Variants in DOCK4 observed in about 807,000 individuals in gnomAD.
The protein encoded by DOCK4 is dedicator of cytokinesis 4.
Under a neutral mutation model 268.1 loss-of-function variants are expected in DOCK4, and 97 were observed. The observed-to-expected ratio is 0.36, with a 90% CI of 0.31 to 0.43. The LOEUF (loss-of-function observed/expected upper bound fraction) is 0.43. Among genes scored for constraint, DOCK4 ranks in the 20% least tolerant of loss-of-function variants. The pLI, the probability that DOCK4 is intolerant of heterozygous loss-of-function variation, is 1.00. For synonymous variants in DOCK4, 954 were observed against 887.2 expected, an observed-to-expected ratio of 1.08 and a Z score of -1.34; for missense variants, 2,145 against 2,455.7, an observed-to-expected ratio of 0.87 and a Z score of 2.67.
At chr7:112,063,051 G>T (rs753572302) in intron 1 of DOCK4, among the ~76,000 whole-genome samples, 1 of 152,194 alleles carries the variant, frequency 6.6e-6, no homozygotes, top group Non-Finnish European at 1.5e-5. Context: ...CCCAAAAAGA[G>T]AGAGAAGTTA....
At chr7:112,142,332 G>T (rs958533475) in intron 1 of DOCK4, among the ~76,000 whole-genome samples, 8 of 152,060 alleles carry the variant, frequency 5.3e-5, no homozygotes, top group African/African-American at 1.7e-4. Context: ...TTTCACTATT[G>T]TATGTTAGGC....
At chr7:112,020,661 A>C (rs1265001780) in intron 1 of DOCK4, among the ~76,000 whole-genome samples, 1 of 148,596 alleles carries the variant, frequency 6.7e-6, no homozygotes, top group Admixed American at 6.8e-5. Context: ...TTTCTATGCC[A>C]AAGAGTCACT....
chr7:112,010,468 G>A (rs888135230), intron 1 of DOCK4, among the ~76,000 whole-genome samples: 8 of 152,210 alleles, frequency 5.3e-5, no homozygotes, highest in African/African-American at 1.7e-4. Flanking sequence ...ACTCCCAGGT[G>A]GCTATGTGTG....
chr7:112,161,247 T>C (rs1817096583), intron 1 of DOCK4, among the ~76,000 whole-genome samples: 1 of 152,166 alleles, frequency 6.6e-6, no homozygotes, highest in Non-Finnish European at 1.5e-5. Context: ...AAAAAGTCTG[T>C]GGACTTGTTT....
At chr7:111,758,820 G>C in intron 40 of DOCK4, 30 bp from the exon 41 acceptor site, 1 of 1,610,190 alleles carries the variant, frequency 6.2e-7, no homozygotes, top group Non-Finnish European at 8.5e-7. Flanking sequence ...GAGAGAACCT[G>C]ACTTGGCAAA....
At chr7:112,061,778 C>CACAT (rs1451249642) in intron 1 of DOCK4, among the ~76,000 whole-genome samples, 3 of 151,252 alleles carry the variant, frequency 2.0e-5, no homozygotes, top group African/African-American at 7.3e-5. Flanking sequence ...CACACACACA[C>CACAT]ACACACGATG....
chr7:111,892,186 T>A (rs756974279), intron 16 of DOCK4, among the ~76,000 whole-genome samples: 20 of 152,200 alleles, frequency 1.3e-4, no homozygotes, highest in Non-Finnish European at 2.2e-4. Context: ...TTAAGGCTCG[T>A]ACAGATTGAT....
At chr7:111,758,884 A>C in intron 40 of DOCK4, 94 bp from the exon 41 acceptor site, 2 of 1,143,496 alleles carry the variant, frequency 1.7e-6, no homozygotes, top group Non-Finnish European at 2.5e-6. Context: ...AGGATGGGTA[A>C]CAATCTTCTG....
intron 1 of DOCK4, among the ~76,000 whole-genome samples, chr7:112,142,850 T>C (rs1425151696): frequency 1.3e-5 from 2 of 152,140 alleles, no homozygotes; most frequent in Non-Finnish European, 2.9e-5. Flanking sequence ...CTTCTGCAAC[T>C]TGCTTGTTTC....
At chr7:112,013,446 A>C (rs1801528522) in intron 1 of DOCK4, among the ~76,000 whole-genome samples, 1 of 152,174 alleles carries the variant, frequency 6.6e-6, no homozygotes, top group Non-Finnish European at 1.5e-5. Flanking sequence ...GAACAGTTCA[A>C]CGGAGAAATA....
intron 30 of DOCK4, among the ~76,000 whole-genome samples, chr7:111,796,100 G>A (rs1372566548): frequency 6.6e-6 from 1 of 152,152 alleles, no homozygotes; most frequent in Non-Finnish European, 1.5e-5. Flanking sequence ...GGGCATCTGG[G>A]AGGTCCCCCA....
chr7:111,751,079 T>C (rs1255154730), intron 42 of DOCK4, among the ~76,000 whole-genome samples: 3 of 152,178 alleles, frequency 2.0e-5, no homozygotes, highest in African/African-American at 7.2e-5. Context: ...ATCTGGTCAA[T>C]GATCACCAGT....
chr7:112,108,123 C>A (rs899372570), intron 1 of DOCK4, among the ~76,000 whole-genome samples: 3 of 152,078 alleles, frequency 2.0e-5, no homozygotes, highest in Non-Finnish European at 2.9e-5. Context: ...ATTATAAGAG[C>A]CTAAGATTAG....
At chr7:111,772,912 T>G (rs1195259213) in intron 36 of DOCK4, among the ~76,000 whole-genome samples, 1 of 152,132 alleles carries the variant, frequency 6.6e-6, no homozygotes, top group African/African-American at 2.4e-5. Flanking sequence ...GAATGCCAGG[T>G]GTGGGTCAGG....
At chr7:111,775,268 A>G (rs748613984) in intron 36 of DOCK4, among the ~76,000 whole-genome samples, 58 of 152,224 alleles carry the variant, frequency 3.8e-4, no homozygotes, top group Admixed American at 2.0e-3. Context: ...ACCATTTCAT[A>G]AAGGATTCCC....
chr7:112,009,649 G>A (rs1369305359), intron 1 of DOCK4, among the ~76,000 whole-genome samples: 1 of 152,010 alleles, frequency 6.6e-6, no homozygotes, highest in Non-Finnish European at 1.5e-5. Flanking sequence ...TTCGGCTCTG[G>A]CGTGTCATGG....
chr7:111,809,328 G>A lies in DOCK4; in HGVS notation c.3080C>T (p.Pro1027Leu). The change falls in exon 29 of 53, where the codon CCT (proline) becomes CTT (leucine). Residue 1027 changes from proline to leucine, a missense_variant. Pro to Leu is a moderately conservative substitution (Grantham distance 98). Transcript: ENST00000428084. ...QLCLQLEMFTPSKKKKVLEKY... is the reference protein window; with the variant it reads ...QLCLQLEMFTLSKKKKVLEKY... ...TTCTAACACCTTTTTCTTCTTGGAA[G>A]GTGTGAACATCTCCAACTGCAGACA... 1 of 1,563,576 alleles carries A rather than the reference G, an allele frequency of 6.4e-7. No homozygotes were observed. The highest frequency in any genetic ancestry group is 8.7e-7 in the Non-Finnish European group (1 of 1,152,320).
chr7:111,935,861 A>G (rs1450875651), intron 11 of DOCK4, among the ~76,000 whole-genome samples: 1 of 152,174 alleles, frequency 6.6e-6, no homozygotes, highest in African/African-American at 2.4e-5. Context: ...CTGGGATAAC[A>G]CTTCGCAGAT....
intron 1 of DOCK4, among the ~76,000 whole-genome samples, chr7:112,072,152 A>G (rs1807645752): frequency 6.6e-6 from 1 of 152,188 alleles, no homozygotes; most frequent in African/African-American, 2.4e-5. Flanking sequence ...CAAAGCTCCA[A>G]TAAACCATGA....
Sources: gnomAD v4.1 joint callset for allele counts (sites outside exome capture counted in the v4.1 genomes callset) on GRCh38, gnomAD v4.1.1 for gene constraint, MANE v1.5 for transcripts, NCBI Gene and HGNC (gene_info 2026-07-23, HGNC 2026-07-21) for gene names.